The following CFAP92 variants were observed in gnomAD, a reference collection of about 807,000 sequenced individuals.
CFAP92 encodes the protein uncharacterized protein CFAP92.
Under a neutral mutation model 106.3 loss-of-function variants are expected in CFAP92, and 86 were observed. The ratio of observed to expected loss-of-function variants is 0.81; its 90% CI spans 0.68 to 0.97. CFAP92 has a LOEUF of 0.97. Among genes scored for constraint, CFAP92 ranks in the 50% least tolerant of loss-of-function variants. The pLI, the probability that CFAP92 is intolerant of heterozygous loss-of-function variation, is 0.00. For missense variants in CFAP92, 1,204 were observed against 1,283.8 expected, an observed-to-expected ratio of 0.94 and a Z score of 0.95; for synonymous variants, 477 against 506.4, an observed-to-expected ratio of 0.94 and a Z score of 0.78.
At chr3:128,911,972 T>C (rs1263208124) in intron 15 of CFAP92, among the ~76,000 whole-genome samples, 6 of 152,200 alleles carry the variant, frequency 3.9e-5, no homozygotes, top group African/African-American at 1.4e-4. Flanking sequence ...CACTCGACCA[T>C]ATCTAGGAAT....
chr3:129,025,362 C>CA, the CFAP92 span, among the ~76,000 whole-genome samples: 6 of 152,038 alleles, frequency 3.9e-5, no homozygotes, highest in African/African-American at 1.4e-4. Flanking sequence ...AGCAGTCTCC[C>CA]GGAAGCCACG....
rs956139207 is a variant in CFAP92, at chr3:128,910,378, C to T, written c.3281-45G>A. The T allele has an allele frequency of 1.2e-5, 17 of 1,451,788 alleles. No homozygotes were observed. In the Middle Eastern group the frequency reaches 6.3e-4, roughly 54 times the overall value. 89.9% of individuals were successfully genotyped at this position (1,451,788 alleles called of 1,614,324 possible). ...GTGACAGGGGTTCCTGATCCCAGTG[C>T]CCCTACCCCCAGCAAGGGACAGACC... On this transcript the variant is annotated intron_variant, in intron 15 of 15. Coordinates refer to ENST00000645291, the MANE Select transcript of CFAP92 (RefSeq NM_001394090.1).
chr3:128,942,453 TCA>T (rs1326344805), intron 10 of CFAP92, among the ~76,000 whole-genome samples: 1 of 152,120 alleles, frequency 6.6e-6, no homozygotes, highest in African/African-American at 2.4e-5. Flanking sequence ...ATGGCTGAAC[TCA>T]GTCTCCTGAT....
chr3:129,005,353 C>A (rs900380), upstream of CFAP92, among the ~76,000 whole-genome samples: 1 of 152,062 alleles, frequency 6.6e-6, no homozygotes, highest in Non-Finnish European at 1.5e-5. Flanking sequence ...TGGAACAGTA[C>A]GGGCAAAGCC....
chr3:128,999,695 C>T (rs1398258036), intron 1 of CFAP92, among the ~76,000 whole-genome samples: 12 of 151,964 alleles, frequency 7.9e-5, no homozygotes, highest in Admixed American at 2.6e-4. Flanking sequence ...CCTGCCACCA[C>T]GCCCAGCTAA....
chr3:129,006,460 T>G (rs1945080369), upstream of CFAP92, among the ~76,000 whole-genome samples: 1 of 152,206 alleles, frequency 6.6e-6, no homozygotes, highest in Non-Finnish European at 1.5e-5. Context: ...GGATTAAAGA[T>G]GCATGCCACC....
chr3:128,913,624 A>G (rs1936577982), intron 15 of CFAP92, among the ~76,000 whole-genome samples: 1 of 152,012 alleles, frequency 6.6e-6, no homozygotes, highest in African/African-American at 2.4e-5. Context: ...TATATTCCCA[A>G]TTTACTGTGA....
chr3:128,910,051 C>T lies in CFAP92; in HGVS notation c.*248G>A, dbSNP rs377022708. On this transcript the variant is annotated 3_prime_UTR_variant, in exon 16 of 16. Transcript: ENST00000645291. ...CATGGAGGAGCAGCTGGTACTGAAG[C>T]GGGTGGCCAACATCCTCATCAACCT... 2.4e-5 allele frequency: 38 copies of T among 1,613,724 alleles called. No individual in the cohort carries two copies. Among genetic ancestry groups the T allele is most frequent in the Non-Finnish European group, 2.9e-5 (34 of 1,179,976 alleles).
At chr3:128,938,313 C>T (rs139544767) in intron 10 of CFAP92, among the ~76,000 whole-genome samples, 127 of 152,126 alleles carry the variant, frequency 8.3e-4, no homozygotes, top group African/African-American at 2.9e-3. Context: ...TCTACCTAGA[C>T]TAGAGTTGAT....
At chr3:128,943,671 G>T (rs911053612) in intron 10 of CFAP92, among the ~76,000 whole-genome samples, 4 of 151,958 alleles carry the variant, frequency 2.6e-5, no homozygotes, top group African/African-American at 9.7e-5. Flanking sequence ...GAGTAGCTGG[G>T]ATTACAGGCA....
chr3:128,943,898 A>C (rs1365006347), intron 10 of CFAP92, among the ~76,000 whole-genome samples: 1 of 146,072 alleles, frequency 6.8e-6, no homozygotes, highest in African/African-American at 2.6e-5. Context: ...ATCAGTTGAT[A>C]AACATTTGGG....
At chr3:128,958,392 A>G (rs962750278) in intron 9 of CFAP92, among the ~76,000 whole-genome samples, 4 of 152,216 alleles carry the variant, frequency 2.6e-5, no homozygotes, top group African/African-American at 9.7e-5. Context: ...ATACATGTAC[A>G]ATAAAATGGC....
In CFAP92 at chr3:128,935,206, TG is replaced by T. The variant is rs1938864073; in HGVS notation, c.2371del (p.Gln791SerfsTer26). Reference sequence around the variant, plus strand: ...CTGCTGCAGCAGCAGCTCCGTGGGCTGGAAGAGGTGCACGTGGTACAGGATG... The same window carrying T: ...CTGCTGCAGCAGCAGCTCCGTGGGCTGAAGAGGTGCACGTGGTACAGGATG... ...EAILYHVHLFQPTELLLQQAV... is the reference protein window; with the variant it reads ...EAILYHVHLFXPTELLLQQAV... On this transcript the variant is annotated frameshift_variant, in exon 11 of 16. Coordinates refer to ENST00000645291, the MANE Select transcript of CFAP92 (RefSeq NM_001394090.1). LOFTEE classifies it high-confidence loss of function. The T allele has an allele frequency of 6.5e-7, 1 of 1,535,934 alleles. No individual in the cohort carries two copies. Among genetic ancestry groups the T allele is most frequent in the Non-Finnish European group, 8.7e-7 (1 of 1,146,864 alleles).
intron 15 of CFAP92, chr3:128,912,606 G>A: frequency 1.2e-6 from 2 of 1,613,876 alleles, no homozygotes. Context: ...AGGACATGCT[G>A]AGGCAGGGGA....
At chr3:128,947,492 G>A (rs889064268) in intron 9 of CFAP92, among the ~76,000 whole-genome samples, 2 of 152,112 alleles carry the variant, frequency 1.3e-5, no homozygotes, top group African/African-American at 4.8e-5. Flanking sequence ...CCATTTTTAC[G>A]ACTTACTACA....
intron 4 of CFAP92, among the ~76,000 whole-genome samples, chr3:128,978,655 T>G (rs1943320963): frequency 6.6e-6 from 1 of 151,964 alleles, no homozygotes; most frequent in African/African-American, 2.4e-5. Context: ...ATACCACACA[T>G]CTACAACTAT....
chr3:128,978,578 T>G (rs985991859), intron 4 of CFAP92, among the ~76,000 whole-genome samples: 3 of 152,080 alleles, frequency 2.0e-5, no homozygotes, highest in African/African-American at 7.2e-5. Context: ...GGCTAAGAGA[T>G]AGAGACTCGT....
At chr3:128,994,259 T>G (rs1471376530), upstream of CFAP92, 5 of 503,750 alleles carry the variant, frequency 9.9e-6, no homozygotes, top group Non-Finnish European at 1.3e-5. Flanking sequence ...ACCAGCTGCC[T>G]TCATTCCTTC....
chr3:128,982,797 G>T (rs115394072), intron 4 of CFAP92, among the ~76,000 whole-genome samples: 1 of 152,194 alleles, frequency 6.6e-6, no homozygotes, highest in Non-Finnish European at 1.5e-5. Flanking sequence ...GGAGAGACAG[G>T]AGAATGGCCG....
Sources: gnomAD v4.1 joint callset for allele counts (sites outside exome capture counted in the v4.1 genomes callset) on GRCh38, gnomAD v4.1.1 for gene constraint, MANE v1.5 for transcripts, NCBI Gene and HGNC (gene_info 2026-07-23, HGNC 2026-07-21) for gene names.